The following SPATA31H1 variants were observed in gnomAD, a reference collection of about 807,000 sequenced individuals.
The protein encoded by SPATA31H1 is spermatogenesis-associated protein 31H1.
the SPATA31H1 span, among the ~76,000 whole-genome samples, chr2:27,559,592 CTT>C: frequency 1.3e-5 from 2 of 152,084 alleles, no homozygotes; most frequent in African/African-American, 4.8e-5. Flanking sequence ...CAAACTGGTG[CTT>C]TTTTTCTTTC....
the SPATA31H1 span, chr2:27,566,308 G>T: frequency 1.4e-6 from 1 of 717,194 alleles, no homozygotes; most frequent in Non-Finnish European, 2.6e-6. Context: ...ACTCCCTGTG[G>T]GCTGGACCCA....
the SPATA31H1 span, among the ~76,000 whole-genome samples, chr2:27,555,685 G>GA: frequency 2.0e-5 from 3 of 151,388 alleles, no homozygotes; most frequent in Non-Finnish European, 2.9e-5. Context: ...TCTCTAAAAG[G>GA]AAAAAAAATA....
the SPATA31H1 span, chr2:27,582,570 G>T: frequency 6.6e-7 from 1 of 1,521,352 alleles, no homozygotes; most frequent in Non-Finnish European, 8.8e-7. Flanking sequence ...AGTCTTCATC[G>T]TGCTGCCCTT....
At chr2:27,558,921 G>GAAGGAGA in the SPATA31H1 span, among the ~76,000 whole-genome samples, 1 of 102,236 alleles carries the variant, frequency 9.8e-6, no homozygotes, top group Non-Finnish European at 2.0e-5. Flanking sequence ...GGGAGAGGGA[G>GAAGGAGA]GGGGAGGGAG....
chr2:27,539,128 A>ATTTTTTTTTTTTTTT, the SPATA31H1 span, among the ~76,000 whole-genome samples: 1 of 54,904 alleles, frequency 1.8e-5, no homozygotes, highest in African/African-American at 9.8e-5. Context: ...TTTTTTTTTA[A>ATTTTTTTTTTTTTTT]TTGATCATTC....
chr2:27,578,067 G>GA, the SPATA31H1 span: 8 of 1,614,026 alleles, frequency 5.0e-6, no homozygotes, highest in South Asian at 8.8e-5. Context: ...TGCTCAATCT[G>GA]AAGAGGTAAT....
chr2:27,565,260 A>T, the SPATA31H1 span: 1 of 689,104 alleles, frequency 1.5e-6, no homozygotes, highest in Non-Finnish European at 2.7e-6. Flanking sequence ...GATATCTAAA[A>T]GGTGAGAAGT....
chr2:27,551,513 C>T, the SPATA31H1 span, among the ~76,000 whole-genome samples: 4 of 151,902 alleles, frequency 2.6e-5, no homozygotes, highest in Admixed American at 6.6e-5. Context: ...TTTAAGAAAT[C>T]GGCTCACAAA....
chr2:27,581,040 T>C, the SPATA31H1 span: 2 of 1,614,090 alleles, frequency 1.2e-6, no homozygotes, highest in Non-Finnish European at 8.5e-7. Flanking sequence ...AAAGAAAAAC[T>C]TCTATAGAAA....
the SPATA31H1 span, chr2:27,568,226 C>T: frequency 2.5e-6 from 1 of 398,962 alleles, no homozygotes; most frequent in East Asian, 3.6e-5. Flanking sequence ...TGAAAATGAA[C>T]ACATTGTTGA....
the SPATA31H1 span, among the ~76,000 whole-genome samples, chr2:27,538,974 G>A: frequency 2.4e-4 from 37 of 152,164 alleles, no homozygotes; most frequent in Non-Finnish European, 5.1e-4. Context: ...ATGTGAAAGT[G>A]GAGGAGGTAT....
chr2:27,539,230 G>A, the SPATA31H1 span, among the ~76,000 whole-genome samples: 11 of 149,192 alleles, frequency 7.4e-5, no homozygotes, highest in African/African-American at 2.5e-4. Flanking sequence ...AAGGTCTCTG[G>A]TTTTCCTAGC....
the SPATA31H1 span, among the ~76,000 whole-genome samples, chr2:27,553,847 G>A: frequency 1.8e-4 from 28 of 151,894 alleles, no homozygotes; most frequent in African/African-American, 6.8e-4. Context: ...GCTTGAACCC[G>A]GGAGGCGGAG....
the SPATA31H1 span, among the ~76,000 whole-genome samples, chr2:27,562,442 T>C: frequency 2.0e-5 from 3 of 151,306 alleles, no homozygotes; most frequent in South Asian, 6.3e-4. Context: ...GCCCAGGATG[T>C]TGAGGCTGTA....
the SPATA31H1 span, chr2:27,576,270 G>A: frequency 2.3e-6 from 1 of 428,320 alleles, no homozygotes; most frequent in Admixed American, 3.8e-5. Flanking sequence ...ACATTTACAA[G>A]ATGTAAAATG....
the SPATA31H1 span, chr2:27,568,894 C>T: frequency 2.5e-6 from 1 of 398,934 alleles, no homozygotes; most frequent in East Asian, 3.6e-5. Flanking sequence ...AATCATGAAG[C>T]CACAGAGCCT....
At chr2:27,580,441 T>C in the SPATA31H1 span, 272 of 1,614,028 alleles carry the variant, frequency 1.7e-4, no homozygotes, top group African/African-American at 3.1e-3. Flanking sequence ...AAATATCCAA[T>C]GAAGAGAATC....
the SPATA31H1 span, chr2:27,579,139 A>AATCAGGGG: frequency 6.2e-7 from 1 of 1,614,196 alleles, no homozygotes; most frequent in Non-Finnish European, 8.5e-7. Context: ...TTCCAGGCAG[A>AATCAGGGG]ATCAGGGGTT....
At chr2:27,580,484 C>T in the SPATA31H1 span, 1 of 1,614,054 alleles carries the variant, frequency 6.2e-7, no homozygotes, top group Non-Finnish European at 8.5e-7. Context: ...GAAAGTTCTA[C>T]ACAAACAGTA....
Sources: allele counts gnomAD v4.1 joint callset (sites outside exome capture counted in the v4.1 genomes callset), GRCh38; gene constraint gnomAD v4.1.1; transcripts MANE v1.5; gene names NCBI Gene and HGNC (gene_info 2026-07-23, HGNC 2026-07-21).